NBAS: variants seen among roughly 807,000 people sequenced by gnomAD.
NBAS encodes the protein NAG/BC035112 fusion.
NBAS carries 219 observed loss-of-function variants against 302.5 expected under a neutral mutation model. That is an observed-to-expected ratio of 0.72 (90% confidence interval 0.65 to 0.81). The LOEUF (loss-of-function observed/expected upper bound fraction) is 0.81, where lower values mean the gene tolerates loss of function less well. Ranked by LOEUF, NBAS falls within the 30% of genes least tolerant of loss-of-function variation. The probability of loss-of-function intolerance (pLI) is 0.00; values close to 1 mark genes in which losing one functional copy is unlikely to be tolerated. For synonymous variants in NBAS, 1,118 were observed against 1,021.6 expected (o/e 1.09, Z -1.80); for missense variants, 2,932 against 2,841.6 (o/e 1.03, Z -0.72).
At chr2:14,999,990 G>A in the NBAS span, among the ~76,000 whole-genome samples, 1 of 152,220 alleles carries the variant, frequency 6.6e-6, no homozygotes, top group Non-Finnish European at 1.5e-5. Context: ...GAATGTACAT[G>A]TAAGTTGGTT....
intron 44 of NBAS, among the ~76,000 whole-genome samples, chr2:15,253,581 T>C (rs1177063861): frequency 1.3e-5 from 2 of 152,276 alleles, no homozygotes; most frequent in African/African-American, 4.8e-5. Flanking sequence ...AGGGAATCTG[T>C]TTCTAAATTA....
intron 38 of NBAS, among the ~76,000 whole-genome samples, chr2:15,324,915 C>A (rs552664446): frequency 6.6e-6 from 1 of 152,272 alleles, no homozygotes; most frequent in East Asian, 1.9e-4. Flanking sequence ...GATGGCTGAG[C>A]ACTGTAAGGA....
At chr2:15,444,200 A>G (rs1678599880) in intron 21 of NBAS, among the ~76,000 whole-genome samples, 1 of 152,040 alleles carries the variant, frequency 6.6e-6, no homozygotes, top group African/African-American at 2.4e-5. Context: ...CACCAAGTCA[A>G]TCTTAAGCCA....
chr2:14,968,166 T>C, the NBAS span, among the ~76,000 whole-genome samples: 1 of 152,222 alleles, frequency 6.6e-6, no homozygotes, highest in Non-Finnish European at 1.5e-5. Context: ...TGTGGTGTTA[T>C]CAGTGTTGAC....
chr2:14,987,676 A>C, the NBAS span, among the ~76,000 whole-genome samples: 10 of 152,118 alleles, frequency 6.6e-5, no homozygotes, highest in African/African-American at 1.9e-4. Context: ...TTTACTTGAT[A>C]TTTAAAGTAA....
chr2:15,495,634 G>C (rs909164072), intron 11 of NBAS, among the ~76,000 whole-genome samples: 1 of 152,142 alleles, frequency 6.6e-6, no homozygotes, highest in African/African-American at 2.4e-5. Context: ...TGTGGAGGGA[G>C]GGCGGGAACT....
At chr2:15,350,863 G>C (rs553070901) in intron 35 of NBAS, among the ~76,000 whole-genome samples, 73 of 152,292 alleles carry the variant, frequency 4.8e-4, no homozygotes, top group South Asian at 4.6e-3. Flanking sequence ...CTGGATTGGA[G>C]TAACTAGCAA....
chr2:15,144,046 A>ATATATATATATATTATCCTATAT, the NBAS span, among the ~76,000 whole-genome samples: 2 of 104,552 alleles, frequency 1.9e-5, no homozygotes, highest in Admixed American at 1.1e-4. Context: ...CCTATATATA[A>ATATATATATATATTATCCTATAT]AAATATATAT....
intron 47 of NBAS, 71 bp downstream of exon 47, chr2:15,232,351 G>A: frequency 7.0e-7 from 1 of 1,432,536 alleles, no homozygotes; most frequent in South Asian, 1.2e-5. Flanking sequence ...CATACATACG[G>A]ATACTAAGAG....
At chr2:14,814,057 G>A in the NBAS span, among the ~76,000 whole-genome samples, 14 of 152,330 alleles carry the variant, frequency 9.2e-5, 1 homozygote, top group East Asian at 2.5e-3. Context: ...GTGTGCAGAA[G>A]GTAAGAGTTG....
intron 25 of NBAS, among the ~76,000 whole-genome samples, chr2:15,406,128 AC>A (rs1157529947): frequency 2.0e-5 from 3 of 151,290 alleles, no homozygotes; most frequent in Admixed American, 1.3e-4. Flanking sequence ...AAACAAAAAA[AC>A]ATGAGGAAAA....
chr2:15,056,802 C>G, the NBAS span, among the ~76,000 whole-genome samples: 1 of 151,602 alleles, frequency 6.6e-6, no homozygotes, highest in Non-Finnish European at 1.5e-5. Context: ...GACCAAAGAC[C>G]CAGCCCTAAT....
chr2:15,201,471 A>ATTTTGAGAAG, intron 48 of NBAS, among the ~76,000 whole-genome samples: 1 of 152,158 alleles, frequency 6.6e-6, no homozygotes, highest in Non-Finnish European at 1.5e-5. Flanking sequence ...AGAAGACCAA[A>ATTTTGAGAAG]ACCAGTCATA....
chr2:15,434,819 T>C (rs188000083), intron 21 of NBAS, among the ~76,000 whole-genome samples: 105 of 152,300 alleles, frequency 6.9e-4, no homozygotes, highest in African/African-American at 2.4e-3. Flanking sequence ...CAACCAAGGA[T>C]TGATGAGAAT....
At chr2:14,858,019 T>A in the NBAS span, among the ~76,000 whole-genome samples, 2 of 152,116 alleles carry the variant, frequency 1.3e-5, no homozygotes, top group African/African-American at 4.8e-5. Context: ...GCAAGAGACT[T>A]TAATGGTCAT....
chr2:14,957,957 G>A, the NBAS span, among the ~76,000 whole-genome samples: 1 of 152,194 alleles, frequency 6.6e-6, no homozygotes, highest in Non-Finnish European at 1.5e-5. Context: ...GAAACCCACA[G>A]TGGGCTGATT....
chr2:14,970,711 T>G, the NBAS span, among the ~76,000 whole-genome samples: 8 of 152,290 alleles, frequency 5.3e-5, no homozygotes, highest in African/African-American at 1.9e-4. Context: ...TGGGACCAGG[T>G]GTGAAGACCT....
intron 19 of NBAS, among the ~76,000 whole-genome samples, chr2:15,466,786 A>T (rs979159427): frequency 6.6e-6 from 1 of 152,006 alleles, no homozygotes; most frequent in African/African-American, 2.4e-5. Context: ...AAAATGCAAA[A>T]ATTTGCCATG....
rs772670026 is a variant in NBAS at position 15,271,809 on chromosome 2, T to C, written c.5724+3675A>G. Among the ~76,000 whole-genome samples, 14 of 152,338 alleles carry C rather than the reference T, an allele frequency of 9.2e-5. No homozygotes were observed. The East Asian group carries it at 1.2e-3, about 13-fold the overall frequency. ...TCAGCCTCTTTTACAACCATTTTCCTGGATTTCTAACCCATTCACTTGTTC... is the reference window on the plus strand; with the variant it reads ...TCAGCCTCTTTTACAACCATTTTCCCGGATTTCTAACCCATTCACTTGTTC... On this transcript the variant is annotated intron_variant, in intron 44 of 51. Transcript: ENST00000281513.
Sources: allele counts gnomAD v4.1 joint callset (sites outside exome capture counted in the v4.1 genomes callset), GRCh38; gene constraint gnomAD v4.1.1; transcripts MANE v1.5; gene names NCBI Gene and HGNC (gene_info 2026-07-23, HGNC 2026-07-21).